DSCAM: variants seen among roughly 807,000 people sequenced by gnomAD.
DSCAM encodes the protein DS cell adhesion molecule.
In DSCAM, 47 loss-of-function variants were observed where a neutral mutation model predicts 217.7. The observed-to-expected ratio is 0.22, with a 90% confidence interval of 0.17 to 0.28. The LOEUF is 0.28. DSCAM is among the 10% of genes least tolerant of loss of function. The pLI, the probability that DSCAM is intolerant of heterozygous loss-of-function variation, is 1.00. For missense variants in DSCAM, 2,080 were observed against 2,618.3 expected (o/e 0.79, Z 4.49); for synonymous variants, 1,056 against 1,015.3 (o/e 1.04, Z -0.76).
chr21:40,386,801 C>T (rs1379343437), intron 3 of DSCAM, among the ~76,000 whole-genome samples: 1 of 152,102 alleles, frequency 6.6e-6, no homozygotes, highest in Non-Finnish European at 1.5e-5. Context: ...TTGAACTCCA[C>T]GTTTATTTAT....
chr21:40,685,666 T>C (rs1235439790), intron 3 of DSCAM, among the ~76,000 whole-genome samples: 2 of 152,202 alleles, frequency 1.3e-5, no homozygotes, highest in African/African-American at 2.4e-5. Flanking sequence ...TTTTGCTCCA[T>C]AGCCTTCTCC....
At chr21:40,391,790 T>G (rs188882643) in intron 3 of DSCAM, among the ~76,000 whole-genome samples, 1 of 152,208 alleles carries the variant, frequency 6.6e-6, no homozygotes, top group African/African-American at 2.4e-5. Context: ...TTGCAAAAAT[T>G]AGAAGATTGC....
At chr21:40,257,498 A>ACACACACACAC (rs57376473) in intron 11 of DSCAM, among the ~76,000 whole-genome samples, 1 of 150,348 alleles carries the variant, frequency 6.7e-6, no homozygotes, top group African/African-American at 2.5e-5. Flanking sequence ...ACACACACAC[A>ACACACACACAC]ATGGCAAACG....
At position 40,780,423 on chromosome 21, in the gene DSCAM, G is replaced by GTGTGTGTATATATATATATA. The variant is rs1007015659; in HGVS notation, c.43+66195_43+66196insTATATATATATATACACACA. Among the ~76,000 whole-genome samples the GTGTGTGTATATATATATATA allele has an allele frequency of 1.5e-3, 82 of 56,398 alleles. 1 individual carries two copies. Among genetic ancestry groups the GTGTGTGTATATATATATATA allele is most frequent in the Admixed American group, 1.6e-3 (8 of 4,872 alleles). The allele number at this position is 56,398 out of a possible 152,430, so 37.0% of individuals were successfully genotyped here. A position where few individuals can be genotyped will look rare whatever the true frequency, so the allele number is the denominator to read the frequency against. On this transcript the variant is annotated intron_variant, in intron 1 of 32. Transcript: ENST00000400454. The stretch of plus-strand genomic sequence containing the variant: ...CGTGTGTGTGTGTGTGTGTGTGTGT[G>GTGTGTGTATATATATATATA]TATATATATATATATATATATATAT...
chr21:40,191,050 G>A (rs560603215), intron 11 of DSCAM, among the ~76,000 whole-genome samples: 1 of 152,224 alleles, frequency 6.6e-6, no homozygotes, highest in South Asian at 2.1e-4. Flanking sequence ...CCATTTCTGA[G>A]GTCAAGCTCA....
chr21:40,613,010 G>A (rs1338280966), intron 3 of DSCAM, among the ~76,000 whole-genome samples: 1 of 152,070 alleles, frequency 6.6e-6, no homozygotes, highest in Non-Finnish European at 1.5e-5. Context: ...AAGAGTATTG[G>A]TGGCCACTTG....
chr21:40,515,081 A>C (rs1016473380), intron 3 of DSCAM, among the ~76,000 whole-genome samples: 1 of 152,232 alleles, frequency 6.6e-6, no homozygotes, highest in Non-Finnish European at 1.5e-5. Context: ...CTTATTTCAG[A>C]ATATTAGTAG....
chr21:40,073,004 C>G (rs899654340), intron 27 of DSCAM, among the ~76,000 whole-genome samples: 4 of 152,054 alleles, frequency 2.6e-5, no homozygotes, highest in African/African-American at 7.2e-5. Flanking sequence ...TGGAGATAGC[C>G]CTTGTACAGC....
At chr21:40,361,146 T>TA (rs2074759520) in intron 4 of DSCAM, among the ~76,000 whole-genome samples, 2 of 151,112 alleles carry the variant, frequency 1.3e-5, no homozygotes, top group Non-Finnish European at 2.9e-5. Flanking sequence ...TATATATATA[T>TA]TACAAAAATT....
chr21:40,626,799 T>C (rs776757880), intron 3 of DSCAM, among the ~76,000 whole-genome samples: 2 of 152,198 alleles, frequency 1.3e-5, no homozygotes, highest in Non-Finnish European at 2.9e-5. Flanking sequence ...ACATAGTGGA[T>C]GGTAAGTACA....
intron 19 of DSCAM, among the ~76,000 whole-genome samples, chr21:40,130,618 G>A (rs973221254): frequency 3.3e-5 from 5 of 151,754 alleles, no homozygotes; most frequent in East Asian, 3.9e-4. Flanking sequence ...TCCATGCACC[G>A]GAGACTATAG....
chr21:40,689,236 A>G (rs1226232407), intron 3 of DSCAM, among the ~76,000 whole-genome samples: 1 of 152,266 alleles, frequency 6.6e-6, no homozygotes, highest in Non-Finnish European at 1.5e-5. Flanking sequence ...AAGAATTTGT[A>G]GAAGACAAAT....
At chr21:40,716,622 T>A (rs547557693) in intron 1 of DSCAM, among the ~76,000 whole-genome samples, 41 of 152,008 alleles carry the variant, frequency 2.7e-4, no homozygotes, top group Non-Finnish European at 3.8e-4. Context: ...TAAAGAAGAG[T>A]GTTACACCAA....
intron 20 of DSCAM, among the ~76,000 whole-genome samples, chr21:40,110,418 G>A (rs955045269): frequency 2.0e-5 from 3 of 152,210 alleles, no homozygotes; most frequent in South Asian, 2.1e-4. Context: ...CCATCTGTAC[G>A]TCACCATCAT....
intron 9 of DSCAM, among the ~76,000 whole-genome samples, chr21:40,303,287 G>C (rs893229889): frequency 6.6e-5 from 10 of 151,884 alleles, no homozygotes; most frequent in African/African-American, 2.2e-4. Flanking sequence ...AGGCACCTTG[G>C]GCCTCTTGCT....
intron 4 of DSCAM, among the ~76,000 whole-genome samples, chr21:40,366,907 T>C: frequency 6.6e-6 from 1 of 152,216 alleles, no homozygotes. Flanking sequence ...TATTTTCTTT[T>C]GCAGTATTTC....
At chr21:40,644,439 G>T (rs540764585) in intron 3 of DSCAM, among the ~76,000 whole-genome samples, 2 of 152,190 alleles carry the variant, frequency 1.3e-5, no homozygotes, top group Admixed American at 6.5e-5. Flanking sequence ...CAGCAGGTTC[G>T]GCCAGTTCTA....
At chr21:40,547,372 T>C (rs2076591978) in intron 3 of DSCAM, among the ~76,000 whole-genome samples, 1 of 152,142 alleles carries the variant, frequency 6.6e-6, no homozygotes, top group African/African-American at 2.4e-5. Flanking sequence ...CACCCAAACC[T>C]ATCACCCGGA....
In DSCAM at chr21:40,099,041, A is replaced by G. The variant is rs560630133; in HGVS notation, c.3697-5167T>C. Among the ~76,000 whole-genome samples, 70 of 152,338 alleles carry G rather than the reference A, an allele frequency of 4.6e-4. 1 individual carries two copies. The South Asian group carries it at 0.014, about 31-fold the overall frequency. On this transcript the variant is annotated intron_variant, in intron 20 of 32. Coordinates refer to ENST00000400454, the MANE Select transcript of DSCAM (RefSeq NM_001389.5). ...TTCTCCAAGGCTATGTCATTGCCAA[A>G]TTAATTTTACAAAGCTTAATGATGT...
Sources: gnomAD v4.1 joint callset for allele counts (sites outside exome capture counted in the v4.1 genomes callset) on GRCh38, gnomAD v4.1.1 for gene constraint, MANE v1.5 for transcripts, NCBI Gene and HGNC (gene_info 2026-07-23, HGNC 2026-07-21) for gene names.